Variants in IGFL2 observed in about 807,000 individuals in gnomAD.
IGFL2 encodes insulin growth factor-like family member 2.
Under a neutral mutation model 13.9 loss-of-function variants are expected in IGFL2, and 7 were observed. The observed-to-expected ratio is 0.51, with a 90% CI of 0.29 to 0.95. The LOEUF (loss-of-function observed/expected upper bound fraction) is 0.95. Ranked by LOEUF, IGFL2 falls within the 40% of genes least tolerant of loss-of-function variation. The pLI is 0.08. For synonymous variants in IGFL2, 55 were observed against 55.8 expected, an observed-to-expected ratio of 0.99 and a Z score of 0.07; for missense variants, 138 against 147.8, an observed-to-expected ratio of 0.93 and a Z score of 0.34.
intron 1 of IGFL2, among the ~76,000 whole-genome samples, chr19:46,153,835 A>T (rs553825154): frequency 0.016 from 2,282 of 144,758 alleles, 71 homozygotes; most frequent in African/African-American, 0.053. Context: ...ATATATATAT[A>T]TATATTTTTT....
At chr19:46,122,241 T>C in the IGFL2 span, among the ~76,000 whole-genome samples, 1 of 151,130 alleles carries the variant, frequency 6.6e-6, no homozygotes, top group African/African-American at 2.5e-5. Flanking sequence ...AGGCAGGCTA[T>C]ATATAATTTG....
chr19:46,084,140 T>C, the IGFL2 span, among the ~76,000 whole-genome samples: 3 of 152,216 alleles, frequency 2.0e-5, no homozygotes, highest in East Asian at 5.8e-4. Flanking sequence ...TATTATACCA[T>C]TGAGTTAGAA....
the IGFL2 span, chr19:46,120,161 T>G: frequency 2.3e-6 from 2 of 868,002 alleles, no homozygotes; most frequent in Non-Finnish European, 3.4e-6. Context: ...AAGGCATTCT[T>G]CCCCTGAAGT....
At chr19:46,103,727 C>T in the IGFL2 span, among the ~76,000 whole-genome samples, 23 of 152,166 alleles carry the variant, frequency 1.5e-4, no homozygotes, top group East Asian at 1.5e-3. Flanking sequence ...GGGGTGAATG[C>T]GTAAAGCTTT....
chr19:46,145,054 C>CT (rs1568420555), upstream of IGFL2, among the ~76,000 whole-genome samples: 4 of 151,994 alleles, frequency 2.6e-5, no homozygotes, highest in African/African-American at 9.7e-5. Flanking sequence ...GTTGTTTCCA[C>CT]TTTTTTGCTA....
chr19:46,133,423 C>G, the IGFL2 span, among the ~76,000 whole-genome samples: 1 of 152,156 alleles, frequency 6.6e-6, no homozygotes, highest in African/African-American at 2.4e-5. Flanking sequence ...ACATTCTGTA[C>G]TTGACCTGAT....
chr19:46,137,282 G>A, the IGFL2 span: 19 of 1,165,658 alleles, frequency 1.6e-5, no homozygotes, highest in Middle Eastern at 3.8e-4. Context: ...GTCAGGATGC[G>A]TACACCACAT....
At chr19:46,099,042 G>A in the IGFL2 span, among the ~76,000 whole-genome samples, 2 of 152,270 alleles carry the variant, frequency 1.3e-5, no homozygotes, top group East Asian at 1.9e-4. Context: ...CTCAGCATTT[G>A]CTTGTCTGAA....
the IGFL2 span, among the ~76,000 whole-genome samples, chr19:46,205,880 T>C: frequency 6.6e-6 from 1 of 152,132 alleles, no homozygotes; most frequent in African/African-American, 2.4e-5. Flanking sequence ...GCCTGTGGGC[T>C]GGGGCTTGAG....
the IGFL2 span, among the ~76,000 whole-genome samples, chr19:46,118,452 A>G: frequency 6.6e-6 from 1 of 152,344 alleles, no homozygotes; most frequent in Non-Finnish European, 1.5e-5. Flanking sequence ...GGAAGCAGTA[A>G]GAGAGAAAGC....
chr19:46,086,278 C>A, the IGFL2 span, among the ~76,000 whole-genome samples: 13 of 152,116 alleles, frequency 8.5e-5, no homozygotes, highest in African/African-American at 2.9e-4. Flanking sequence ...CAACTCACTT[C>A]TTTAATAACA....
the IGFL2 span, among the ~76,000 whole-genome samples, chr19:46,201,703 A>C: frequency 1.4e-4 from 22 of 152,022 alleles, 1 homozygote; most frequent in East Asian, 1.7e-3. Flanking sequence ...CCAGGGAGGG[A>C]GTAAAAGTGT....
Position 46,161,117 on chromosome 19 carries a change from C to G in IGFL2, c.*29C>G. 1 of 1,558,080 alleles carries G rather than the reference C, an allele frequency of 6.4e-7. No individual in the cohort carries two copies. Among genetic ancestry groups the G allele is most frequent in the Admixed American group, 1.8e-5 (1 of 54,462 alleles). On this transcript the variant is annotated 3_prime_UTR_variant, in exon 4 of 4. Coordinates refer to ENST00000377693, the MANE Select transcript of IGFL2 (RefSeq NM_001135113.2). Reference sequence around the variant, plus strand: ...GACATAGAAAGAAAATCAACTTTCACTAAGGCATCTCAGAAACATAGGCTA... The same window carrying G: ...GACATAGAAAGAAAATCAACTTTCAGTAAGGCATCTCAGAAACATAGGCTA...
At chr19:46,183,602 C>G in the IGFL2 span, among the ~76,000 whole-genome samples, 1 of 150,426 alleles carries the variant, frequency 6.6e-6, no homozygotes, top group East Asian at 2.0e-4. Flanking sequence ...ATGGGGTGAT[C>G]TCTGCTCACT....
At chr19:46,153,684 T>C (rs2146855962) in intron 1 of IGFL2, among the ~76,000 whole-genome samples, 1 of 151,964 alleles carries the variant, frequency 6.6e-6, no homozygotes, top group South Asian at 2.1e-4. Context: ...CACAATTCTA[T>C]TTTATTAGTG....
At chr19:46,201,657 G>T in the IGFL2 span, among the ~76,000 whole-genome samples, 1 of 152,140 alleles carries the variant, frequency 6.6e-6, no homozygotes, top group Non-Finnish European at 1.5e-5. Flanking sequence ...GGATGATTAG[G>T]TTTTAATGGG....
chr19:46,139,211 A>G (rs956903643), upstream of IGFL2, among the ~76,000 whole-genome samples: 2 of 149,022 alleles, frequency 1.3e-5, no homozygotes, highest in African/African-American at 5.0e-5. Flanking sequence ...CCCTCACTCC[A>G]CTCTCAATGC....
At chr19:46,189,148 G>T in the IGFL2 span, 1 of 159,014 alleles carries the variant, frequency 6.3e-6, no homozygotes, top group Non-Finnish European at 1.4e-5. Flanking sequence ...GGCAGGGTGA[G>T]CAGTGTGAGC....
chr19:46,138,391 G>A (rs1041534783), upstream of IGFL2, among the ~76,000 whole-genome samples: 2 of 152,266 alleles, frequency 1.3e-5, no homozygotes, highest in Non-Finnish European at 2.9e-5. Flanking sequence ...AACACCTACT[G>A]CACTAGAGGG....
Sources: gnomAD v4.1 joint callset for allele counts (sites outside exome capture counted in the v4.1 genomes callset) on GRCh38, gnomAD v4.1.1 for gene constraint, MANE v1.5 for transcripts, NCBI Gene and HGNC (gene_info 2026-07-23, HGNC 2026-07-21) for gene names.